The following SLC17A6 variants were observed in gnomAD, a reference collection of about 807,000 sequenced individuals.
The protein encoded by SLC17A6 is solute carrier family 17 member 6.
In SLC17A6, 35 loss-of-function variants were observed where a neutral mutation model predicts 67.1. That is an observed-to-expected ratio of 0.52 (90% CI 0.40 to 0.69). SLC17A6 has a LOEUF of 0.69. Ranked by LOEUF, SLC17A6 falls within the 30% of genes least tolerant of loss-of-function variation. The pLI, the probability that SLC17A6 is intolerant of heterozygous loss-of-function variation, is 0.00. For synonymous variants in SLC17A6, 285 were observed against 252.3 expected, an observed-to-expected ratio of 1.13 and a Z score of -1.23; for missense variants, 588 against 723.9, an observed-to-expected ratio of 0.81 and a Z score of 2.15.
chr11:22,368,423 G>T (rs1856137262), intron 7 of SLC17A6, among the ~76,000 whole-genome samples: 2 of 151,886 alleles, frequency 1.3e-5, no homozygotes, highest in South Asian at 2.1e-4. Flanking sequence ...CAATCAGCTT[G>T]CTTAATTTTT....
chr11:22,343,021 C>CAGGG, intron 2 of SLC17A6: 5 of 605,842 alleles, frequency 8.3e-6, no homozygotes, highest in South Asian at 8.1e-5. Flanking sequence ...GGAGCAAAGC[C>CAGGG]AGTGCGCCTG....
chr11:22,360,269 T>C lies in SLC17A6; in HGVS notation c.574-628T>C, dbSNP rs564305885. Among the ~76,000 whole-genome samples, 22 of 152,042 alleles carry C rather than the reference T, an allele frequency of 1.4e-4. No homozygotes were observed. In the East Asian group the frequency reaches 4.3e-3, roughly 29 times the overall value. On this transcript the variant is annotated intron_variant, in intron 4 of 11. Transcript: ENST00000263160. Reference sequence around the variant, plus strand: ...CATGTTGTCACTTATAAATGGGAGCTGAACAATGAGAACACATGGACACAG... The same window carrying C: ...CATGTTGTCACTTATAAATGGGAGCCGAACAATGAGAACACATGGACACAG...
At chr11:22,374,061 C>A (rs1333997304) in intron 8 of SLC17A6, among the ~76,000 whole-genome samples, 1 of 152,150 alleles carries the variant, frequency 6.6e-6, no homozygotes, top group Non-Finnish European at 1.5e-5. Context: ...TGTATACTTA[C>A]TGTCCCCATA....
intron 3 of SLC17A6, among the ~76,000 whole-genome samples, chr11:22,356,925 C>A (rs980771614): frequency 6.6e-5 from 10 of 152,130 alleles, no homozygotes; most frequent in African/African-American, 2.4e-4. Context: ...GAAAAGTAAA[C>A]ATTAAAAGTA....
Position 22,341,744 on chromosome 11 carries a change from C to T in SLC17A6, c.303C>T (p.Asn101=). Residue 101 remains asparagine, a synonymous_variant, in exon 2 of 12, where the codon AAC becomes AAT. Coordinates refer to ENST00000263160, the MANE Select transcript of SLC17A6 (RefSeq NM_020346.3). ...TGGCCATTGTGGACATGGTCAACAA[C>T]AGCACCATCCACCGCGGGGGCAAGG... ...LGVAIVDMVN[N]STIHRGGKVI... 6.2e-7 allele frequency: 1 copy of T among 1,614,216 alleles called. No individual in the cohort carries two copies. The highest frequency in any genetic ancestry group is 1.7e-5 in the Admixed American group (1 of 60,024).
At position 22,378,061 on chromosome 11, in the gene SLC17A6, A is replaced by G. The variant is rs1856251453; in HGVS notation, c.*321A>G. ...ACTATTTACTAAAGCACAACATCTC[A>G]TCCTACAAAAGTTAAGAAGCCAAAG... On this transcript the variant is annotated 3_prime_UTR_variant, in exon 12 of 12. Transcript: ENST00000263160. 2 of 331,836 alleles carry G rather than the reference A, an allele frequency of 6.0e-6. No individual in the cohort carries two copies. Among genetic ancestry groups the G allele is most frequent in the Admixed American group, 4.6e-5 (1 of 21,910 alleles). 20.6% of individuals were successfully genotyped at this position (331,836 alleles called of 1,614,324 possible). A position where few individuals can be genotyped will look rare whatever the true frequency, so the allele number is the denominator to read the frequency against.
chr11:22,374,481 C>T (rs1856209459), intron 8 of SLC17A6, among the ~76,000 whole-genome samples: 1 of 151,050 alleles, frequency 6.6e-6, no homozygotes, highest in Non-Finnish European at 1.5e-5. Flanking sequence ...TTAACAATAT[C>T]AGAAGAGTTG....
chr11:22,368,484 C>A (rs1856137902), intron 7 of SLC17A6, among the ~76,000 whole-genome samples: 1 of 151,852 alleles, frequency 6.6e-6, no homozygotes, highest in Non-Finnish European at 1.5e-5. Context: ...TATCAGAATA[C>A]CATAATCTTC....
chr11:22,361,236 G>A, intron 5 of SLC17A6: 2 of 378,128 alleles, frequency 5.3e-6, no homozygotes. Context: ...ATATTCATGG[G>A]TGGTTTTTAT....
rs866155105 is a variant in SLC17A6 at position 22,343,763 on chromosome 11, C to G, written c.458+398C>G. ...CTCTCCTGCACTCCCCGCAGGCTCC[C>G]AGGCTCCCCGAGGGTCTGACCTCCT... On this transcript the variant is annotated intron_variant, in intron 3 of 11. Coordinates refer to ENST00000263160, the MANE Select transcript of SLC17A6 (RefSeq NM_020346.3). 9.3e-4 allele frequency among the ~76,000 whole-genome samples: 141 copies of G among 152,298 alleles called. 1 individual carries two copies. Among genetic ancestry groups the G allele is most frequent in the African/African-American group, 2.9e-3 (120 of 41,572 alleles).
rs370379027 is a variant in SLC17A6 at position 22,374,750 on chromosome 11, A to T, written c.1042-5A>T. ...CTATTTCTCTCCCTTCTTGTTTTTC[A>T]TCAGGTTGGTATGCTATCTGCTGTG... On this transcript the variant is annotated splice_region_variant and splice_polypyrimidine_tract_variant and intron_variant, in intron 8 of 11. Coordinates refer to ENST00000263160, the MANE Select transcript of SLC17A6 (RefSeq NM_020346.3). The T allele has an allele frequency of 3.2e-5, 51 of 1,587,176 alleles. No individual in the cohort carries two copies. Among genetic ancestry groups the T allele is most frequent in the Non-Finnish European group, 4.2e-5 (49 of 1,169,362 alleles).
chr11:22,375,988 G>T lies in SLC17A6; in HGVS notation c.1181G>T (p.Gly394Val). Reference sequence around the variant, plus strand: ...TATGTGTTTGCTTCTGAAGGTTTTGGCATGGAAGCCACACTGCTCCTGGTC... The same window carrying T: ...TATGTGTTTGCTTCTGAAGGTTTTGTCATGGAAGCCACACTGCTCCTGGTC... ...VRKIMNCGGF[G>V]MEATLLLVVG... Residue 394 changes from glycine to valine, a missense_variant, in exon 10 of 12, where the codon GGC becomes GTC. Around this residue, in one of 4 missense-constraint regions of SLC17A6, gnomAD observed 414 missense variants for 563.4 expected, o/e 0.73. Transcript: ENST00000263160. 1.3e-6 allele frequency: 2 copies of T among 1,599,574 alleles called. No individual in the cohort carries two copies. The highest frequency in any genetic ancestry group is 1.1e-5 in the South Asian group (1 of 87,468).
chr11:22,340,260 A>G (rs552864964), intron 1 of SLC17A6, among the ~76,000 whole-genome samples: 2 of 152,362 alleles, frequency 1.3e-5, no homozygotes, highest in East Asian at 3.9e-4. Flanking sequence ...CAAATTGTAA[A>G]CGGAAAGGCT....
intron 8 of SLC17A6, 116 bp from the exon 9 acceptor site, chr11:22,374,639 T>C: frequency 2.4e-6 from 2 of 824,736 alleles, no homozygotes. Flanking sequence ...TTGGAAAGAT[T>C]ATTTTTCCTT....
At chr11:22,371,003 C>CT (rs1255938418) in intron 8 of SLC17A6, among the ~76,000 whole-genome samples, 1 of 152,046 alleles carries the variant, frequency 6.6e-6, no homozygotes, top group Admixed American at 6.6e-5. Flanking sequence ...ATCGTCATTT[C>CT]TATTGAAATG....
rs1156594558 is a variant in SLC17A6, at chr11:22,379,030, C to G, written c.*1290C>G. ...CTTGTCATTTCTTAATATAACTCAA[C>G]AAGAATTGCAACATTTGTGTACCAA... On this transcript the variant is annotated 3_prime_UTR_variant, in exon 12 of 12. Coordinates refer to ENST00000263160, the MANE Select transcript of SLC17A6 (RefSeq NM_020346.3). 6.6e-6 allele frequency: 1 copy of G among 152,468 alleles called. No individual in the cohort carries two copies. Among genetic ancestry groups the G allele is most frequent in the Non-Finnish European group, 1.5e-5 (1 of 67,966 alleles). 9.4% of individuals were successfully genotyped at this position (152,468 alleles called of 1,614,324 possible).
At position 22,360,851 on chromosome 11, in the gene SLC17A6, C is replaced by T. The variant is rs747434062; in HGVS notation, c.574-46C>T. On this transcript the variant is annotated intron_variant, in intron 4 of 11. Coordinates refer to ENST00000263160, the MANE Select transcript of SLC17A6 (RefSeq NM_020346.3). The stretch of plus-strand genomic sequence containing the variant: ...ATTTGTACAGGATACTAAAAAGACT[C>T]TTGATCCTAAATGGTGACAGTGATG... 1.7e-5 allele frequency: 26 copies of T among 1,544,312 alleles called. No individual in the cohort carries two copies. The South Asian group carries it at 2.2e-4, about 13-fold the overall frequency.
intron 7 of SLC17A6, among the ~76,000 whole-genome samples, chr11:22,366,498 A>G (rs1433347738): frequency 6.6e-6 from 1 of 152,204 alleles, no homozygotes; most frequent in South Asian, 2.1e-4. Flanking sequence ...AAATATCATT[A>G]TCTTTCAGGA....
chr11:22,341,061 G>C (rs985791769), intron 1 of SLC17A6, among the ~76,000 whole-genome samples: 2 of 152,220 alleles, frequency 1.3e-5, no homozygotes, highest in African/African-American at 4.8e-5. Flanking sequence ...CAGCGGAGCA[G>C]CTCTCTGGTG....
Sources: gnomAD v4.1 joint callset for allele counts (sites outside exome capture counted in the v4.1 genomes callset) on GRCh38, gnomAD v4.1.1 for gene constraint, gnomAD v4.1.1 regional missense constraint, MANE v1.5 for transcripts, NCBI Gene and HGNC (gene_info 2026-07-23, HGNC 2026-07-21) for gene names.